MBTPS1: variants seen among roughly 807,000 people sequenced by gnomAD.
MBTPS1 encodes membrane bound transcription factor peptidase, site 1, also known as membrane-bound transcription factor site-1 protease.
Under a neutral mutation model 127.8 loss-of-function variants are expected in MBTPS1, and 94 were observed. The observed-to-expected ratio is 0.74, with a 90% CI of 0.62 to 0.87. The LOEUF (loss-of-function observed/expected upper bound fraction) is 0.87, where lower values mean the gene tolerates loss of function less well. MBTPS1 is among the 40% of genes least tolerant of loss of function. MBTPS1 has a pLI of 0.00. For missense variants in MBTPS1, 1,636 were observed against 1,353.2 expected, an observed-to-expected ratio of 1.21 and a Z score of -3.28; for synonymous variants, 632 against 509.4, an observed-to-expected ratio of 1.24 and a Z score of -3.24.
At chr16:84,093,155 T>G (rs2086132893) in intron 6 of MBTPS1, 33 bp downstream of exon 6, 2 of 1,347,250 alleles carry the variant, frequency 1.5e-6, no homozygotes, top group Non-Finnish European at 2.1e-6. Flanking sequence ...CAGTATGAAT[T>G]CCTCAAGTTT....
At chr16:84,091,042 T>G in intron 7 of MBTPS1, 100 bp from the exon 8 acceptor site, 1 of 922,068 alleles carries the variant, frequency 1.1e-6, no homozygotes, top group South Asian at 1.5e-5. Context: ...AAAACAGTTC[T>G]AAAAAAGCAG....
chr16:84,060,306 G>C (rs919638241), intron 20 of MBTPS1: 1 of 170,464 alleles, frequency 5.9e-6, no homozygotes. Flanking sequence ...GTAATCCATG[G>C]GAGCATCCCA....
intron 1 of MBTPS1, among the ~76,000 whole-genome samples, chr16:84,114,442 CTT>C (rs575934132): frequency 7.9e-4 from 121 of 152,280 alleles, no homozygotes; most frequent in Middle Eastern, 6.8e-3. Context: ...ACACATCACT[CTT>C]GTCTCCTTTT....
chr16:84,078,552 G>GCAATTTACCCTGAAGGAACACCTCCAA (rs2085894256), intron 11 of MBTPS1, among the ~76,000 whole-genome samples: 1 of 152,184 alleles, frequency 6.6e-6, no homozygotes, highest in Non-Finnish European at 1.5e-5. Flanking sequence ...TAAATTTTTA[G>GCAATTTACCCTGAAGGAACACCTCCAA]CAATTTACCC....
intron 11 of MBTPS1, among the ~76,000 whole-genome samples, chr16:84,080,728 AG>A (rs1242248694): frequency 6.6e-6 from 1 of 152,248 alleles, no homozygotes; most frequent in East Asian, 1.9e-4. Context: ...AAACTTTTTC[AG>A]GCCTGTGCGA....
At chr16:84,078,032 A>G (rs1296503091) in intron 11 of MBTPS1, among the ~76,000 whole-genome samples, 2 of 152,204 alleles carry the variant, frequency 1.3e-5, no homozygotes, top group African/African-American at 2.4e-5. Context: ...TTTCTTACCA[A>G]TCAGATTTGT....
intron 20 of MBTPS1, chr16:84,060,463 T>G: frequency 2.0e-6 from 1 of 510,240 alleles, no homozygotes. Flanking sequence ...GGAAAGCAGC[T>G]GCACACTGGG....
chr16:84,116,324 C>T (rs550710253), intron 1 of MBTPS1, among the ~76,000 whole-genome samples: 10 of 152,276 alleles, frequency 6.6e-5, no homozygotes, highest in Admixed American at 6.5e-4. Context: ...ACAGAATCCC[C>T]GCATTTCCAA....
chr16:84,060,558 G>A (rs574022975), intron 20 of MBTPS1, 124 bp downstream of exon 20: 13 of 1,157,076 alleles, frequency 1.1e-5, no homozygotes, highest in Middle Eastern at 5.8e-4. Flanking sequence ...CAGCCATTAC[G>A]AAAACCACTC....
At chr16:84,098,959 C>T (rs540212052) in intron 3 of MBTPS1, 94 bp downstream of exon 3, 15 of 1,194,946 alleles carry the variant, frequency 1.3e-5, no homozygotes, top group East Asian at 1.2e-4. Flanking sequence ...TGGAAGGATG[C>T]GGATACTCAC....
rs2086169003 is a variant in MBTPS1, at chr16:84,095,669, C to T, written c.558G>A (p.Leu186=). 1.9e-6 allele frequency: 3 copies of T among 1,614,256 alleles called. No homozygotes were observed. In the East Asian group the frequency reaches 6.7e-5, roughly 36 times the overall value. ...GGGCAACCTGGCGCGGGATGGCTCT[C>T]AGCAGCCGTCTGCTCGAATGCCTTC... The part of the protein sequence containing the change: ...ATGRHSSRRL[L]RAIPRQVAQT... The change falls in exon 4 of 23, where the codon CTG becomes CTA. Residue 186 remains leucine, a synonymous_variant. Coordinates refer to ENST00000343411, the MANE Select transcript of MBTPS1 (RefSeq NM_003791.4).
At chr16:84,078,469 G>A (rs1449744052) in intron 11 of MBTPS1, among the ~76,000 whole-genome samples, 2 of 150,234 alleles carry the variant, frequency 1.3e-5, no homozygotes, top group African/African-American at 2.5e-5. Context: ...AGAGCTACCC[G>A]ATGCTCTCAA....
At position 84,101,985 on chromosome 16, in the gene MBTPS1, C is replaced by T; in HGVS notation, c.-202G>A. 1.8e-6 allele frequency: 1 copy of T among 543,880 alleles called. No individual in the cohort carries two copies. The highest frequency in any genetic ancestry group is 2.4e-5 in the South Asian group (1 of 41,438). The allele number at this position is 543,880 out of a possible 1,614,324, so 33.7% of individuals were successfully genotyped here. On this transcript the variant is annotated 5_prime_UTR_variant, in exon 2 of 23. Transcript: ENST00000343411. ...AGAGAGGCTTTCATTTCTTTCTCCG[C>T]TTCTTCTCCATCTTGGAAATAAGGC...
chr16:84,101,648 C>T lies in MBTPS1; in HGVS notation c.136G>A (p.Glu46Lys). 6.2e-7 allele frequency: 1 copy of T among 1,613,914 alleles called. No homozygotes were observed. The highest frequency in any genetic ancestry group is 8.5e-7 in the Non-Finnish European group (1 of 1,179,930). ...PGCSHLTLKV[E>K]FSSTVVEYEY... is the part of the protein sequence containing the mutation. ...TATTCCACAACTGTTGATGAGAATT[C>T]CACCTTCAAAGTCAGGTGGGAACAG... Residue 46 changes from glutamate to lysine, a missense_variant, in exon 2 of 23, where the codon GAA (glutamate) becomes AAA (lysine). Glu to Lys is a moderately conservative substitution (Grantham distance 56, BLOSUM62 1). Transcript: ENST00000343411.
chr16:84,065,623 G>A (rs1287343920), intron 18 of MBTPS1, 67 bp downstream of exon 18: 13 of 1,003,944 alleles, frequency 1.3e-5, no homozygotes, highest in Non-Finnish European at 1.9e-5. Context: ...GAGAGACAGA[G>A]AGAGAAGCGG....
At chr16:84,066,927 T>A (rs896428163) in intron 16 of MBTPS1, among the ~76,000 whole-genome samples, 25 of 152,138 alleles carry the variant, frequency 1.6e-4, no homozygotes, top group African/African-American at 6.0e-4. Flanking sequence ...GAAAGAAGCA[T>A]AGAAATGTTC....
intron 1 of MBTPS1, among the ~76,000 whole-genome samples, chr16:84,115,662 C>T (rs141904672): frequency 6.6e-6 from 1 of 152,056 alleles, no homozygotes; most frequent in South Asian, 2.1e-4. Context: ...TCTGAATATA[C>T]GAAATAGTCA....
intron 4 of MBTPS1, among the ~76,000 whole-genome samples, chr16:84,095,276 G>A (rs376280469): frequency 7.2e-5 from 11 of 152,204 alleles, no homozygotes; most frequent in East Asian, 3.9e-4. Flanking sequence ...CGCTGTGCTC[G>A]TTTGTGTATG....
chr16:84,095,861 C>T, intron 3 of MBTPS1, 56 bp from the exon 4 acceptor site: 1 of 1,442,704 alleles, frequency 6.9e-7, no homozygotes, highest in South Asian at 1.2e-5. Flanking sequence ...CTACACGATA[C>T]CCGCCAGGCA....
Sources: allele counts gnomAD v4.1 joint callset (sites outside exome capture counted in the v4.1 genomes callset), GRCh38; gene constraint gnomAD v4.1.1; transcripts MANE v1.5; gene names NCBI Gene and HGNC (gene_info 2026-07-23, HGNC 2026-07-21).